Variants in LYZL2 observed in about 807,000 individuals in gnomAD.
LYZL2 encodes the protein lysozyme like 2, also known as lysozyme-like protein 2.
A neutral mutation model predicts 17.1 loss-of-function variants in LYZL2; 13 were observed. The observed-to-expected ratio is 0.76, with a 90% CI of 0.49 to 1.21. The LOEUF is 1.21. LYZL2 is among the 50% of genes most tolerant of loss of function. LYZL2 has a pLI of 0.00. For missense variants in LYZL2, 166 were observed against 189.2 expected (o/e 0.88, Z 0.72); for synonymous variants, 63 against 74.4 (o/e 0.85, Z 0.79).
chr10:30,617,268 A>T (rs1203187874), intron 3 of LYZL2, among the ~76,000 whole-genome samples: 1 of 152,172 alleles, frequency 6.6e-6, no homozygotes, highest in Non-Finnish European at 1.5e-5. Context: ...GCCATGCAGG[A>T]CCAGGAAGCA....
At chr10:30,610,062 G>A (rs934943676), downstream of LYZL2, among the ~76,000 whole-genome samples, 12 of 151,970 alleles carry the variant, frequency 7.9e-5, no homozygotes, top group Non-Finnish European at 1.0e-4. Flanking sequence ...CACACTGGAA[G>A]AAGAAGAATT....
chr10:30,612,024 C>T lies in LYZL2; in HGVS notation c.378G>A (p.Trp126Ter). 5 of 1,614,090 alleles carry T rather than the reference C, an allele frequency of 3.1e-6. No homozygotes were observed. Among genetic ancestry groups the T allele is most frequent in the Non-Finnish European group, 4.2e-6 (5 of 1,179,988 alleles). ...CCTCACAGTGTTTCTTCCAGCCTTGCCTGAGGACGAGAGGGAAGCAAGAGC... is the reference window on the plus strand; with the variant it reads ...CCTCACAGTGTTTCTTCCAGCCTTGTCTGAGGACGAGAGGGAAGCAAGAGC... Reference protein sequence around the residue: ...IVKETQGMNYWQGWKKHCEGR... With the variant: ...IVKETQGMNY Residue 126 changes from tryptophan to a stop codon, truncating the protein, a stop_gained and splice_region_variant, in exon 5 of 5, where the codon TGG becomes TGA. Transcript: ENST00000647634. LOFTEE classifies it high-confidence loss of function.
At chr10:30,621,197 A>T (rs1838613245) in intron 3 of LYZL2, among the ~76,000 whole-genome samples, 1 of 152,218 alleles carries the variant, frequency 6.6e-6, no homozygotes, top group Non-Finnish European at 1.5e-5. Context: ...CTAGAGAAAA[A>T]AAACACATAT....
At chr10:30,612,440 T>G (rs1838460180) in intron 4 of LYZL2, among the ~76,000 whole-genome samples, 1 of 152,204 alleles carries the variant, frequency 6.6e-6, no homozygotes, top group African/African-American at 2.4e-5. Context: ...TCATTCTCTT[T>G]CCCTGCAAAA....
intron 3 of LYZL2, among the ~76,000 whole-genome samples, chr10:30,615,566 A>G (rs184430818): frequency 5.1e-4 from 78 of 152,038 alleles, no homozygotes; most frequent in Non-Finnish European, 6.9e-4. Context: ...ACACTCTGTC[A>G]CACACACACA....
chr10:30,617,694 A>AAAAAAAAAG (rs1838555891), intron 3 of LYZL2, among the ~76,000 whole-genome samples: 1 of 137,484 alleles, frequency 7.3e-6, no homozygotes, highest in African/African-American at 2.8e-5. Flanking sequence ...AAAAAAAAAA[A>AAAAAAAAAG]AAAAGAAAAG....
chr10:30,624,901 T>C (rs1838679607), intron 3 of LYZL2, among the ~76,000 whole-genome samples: 1 of 152,152 alleles, frequency 6.6e-6, no homozygotes, highest in African/African-American at 2.4e-5. Flanking sequence ...GGAGGAAAGA[T>C]TCAAAGTGTG....
chr10:30,615,564 T>TCA (rs1325610119), intron 3 of LYZL2, among the ~76,000 whole-genome samples: 1 of 151,868 alleles, frequency 6.6e-6, no homozygotes, highest in Non-Finnish European at 1.5e-5. Context: ...ACACACTCTG[T>TCA]CACACACACA....
intron 3 of LYZL2, among the ~76,000 whole-genome samples, chr10:30,617,679 A>AAAAAAAAAAAAAAAAAAAG (rs1838554193): frequency 0.01 from 1,087 of 106,260 alleles, 40 homozygotes; most frequent in East Asian, 0.015. Context: ...TGTCTCAAAA[A>AAAAAAAAAAAAAAAAAAAG]AAAAAAAAAA....
intron 4 of LYZL2, 44 bp from the exon 5 acceptor site, chr10:30,612,068 A>T: frequency 1.2e-6 from 2 of 1,603,486 alleles, no homozygotes; most frequent in Non-Finnish European, 1.7e-6. Flanking sequence ...GAAGCGTGAC[A>T]ATCCAAACCG....
downstream of LYZL2, among the ~76,000 whole-genome samples, chr10:30,609,371 CA>C (rs2132929004): frequency 6.6e-6 from 1 of 152,262 alleles, no homozygotes; most frequent in Admixed American, 6.5e-5. Context: ...CAGGCTTGAA[CA>C]GGCTTTAGGG....
rs1354413868 is a variant in LYZL2 at position 30,629,507 on chromosome 10, C to T, written c.-26+86G>A. On this transcript the variant is annotated intron_variant, in intron 1 of 4. Transcript: ENST00000647634. ...ACAAAACCCGTAGCAATGATAACCC[C>T]AAGCATCATGTTCTACATCCTTCAA... 6.5e-6 allele frequency: 9 copies of T among 1,377,614 alleles called. No homozygotes were observed. The East Asian group carries it at 1.9e-4, about 30-fold the overall frequency. The allele number at this position is 1,377,614 out of a possible 1,614,324, so 85.3% of individuals were successfully genotyped here.
intron 3 of LYZL2, among the ~76,000 whole-genome samples, chr10:30,625,251 A>G (rs550366364): frequency 6.6e-6 from 1 of 152,350 alleles, no homozygotes; most frequent in South Asian, 2.1e-4. Context: ...GCAGCATTAG[A>G]AACTTAATTC....
rs375044729 is a variant in LYZL2 at position 30,612,850 on chromosome 10, C to A, written c.349G>T (p.Val117Phe). The part of the protein sequence containing the change: ...TDAIICAKKI[V>F]KETQGMNYWQ... Reference sequence around the variant, plus strand: ...TAGTTCATTCCTTGTGTCTCTTTAACAATTTTCTTGGCACAGATAATCGCA... The same window carrying A: ...TAGTTCATTCCTTGTGTCTCTTTAAAAATTTTCTTGGCACAGATAATCGCA... The change falls in exon 4 of 5, where the codon GTT (valine) becomes TTT (phenylalanine). Residue 117 changes from valine to phenylalanine, a missense_variant. This residue lies in a region of LYZL2 where 134 missense variants were observed against 129.4 expected (regional missense o/e 1.04). Coordinates refer to ENST00000647634, the MANE Select transcript of LYZL2 (RefSeq NM_183058.3). 2 of 1,613,746 alleles carry A rather than the reference C, an allele frequency of 1.2e-6. No homozygotes were observed. Among genetic ancestry groups the A allele is most frequent in the Non-Finnish European group, 8.5e-7 (1 of 1,179,778 alleles).
At chr10:30,618,086 G>T (rs893734281) in intron 3 of LYZL2, among the ~76,000 whole-genome samples, 10 of 151,300 alleles carry the variant, frequency 6.6e-5, no homozygotes, top group Admixed American at 2.6e-4. Context: ...TTGCTTCAAA[G>T]AGAATAAAAT....
At chr10:30,628,114 T>C (rs941947943) in intron 1 of LYZL2, among the ~76,000 whole-genome samples, 3 of 151,806 alleles carry the variant, frequency 2.0e-5, no homozygotes, top group Non-Finnish European at 4.4e-5. Flanking sequence ...GAGCGGAGAT[T>C]GCGCCACTGC....
At chr10:30,615,874 T>C (rs1161392822) in intron 3 of LYZL2, among the ~76,000 whole-genome samples, 1 of 108,158 alleles carries the variant, frequency 9.2e-6, no homozygotes, top group Non-Finnish European at 1.9e-5. Flanking sequence ...TTCTATTAGA[T>C]AGCACTGGTT....
downstream of LYZL2, among the ~76,000 whole-genome samples, chr10:30,611,509 AAAGG>A (rs2132931119): frequency 7.0e-6 from 1 of 142,862 alleles, no homozygotes; most frequent in East Asian, 2.0e-4. Flanking sequence ...AAAAAAAAAA[AAAGG>A]AAGGAAGGAA....
At chr10:30,625,465 C>T (rs1564410048) in intron 3 of LYZL2, among the ~76,000 whole-genome samples, 2 of 151,946 alleles carry the variant, frequency 1.3e-5, no homozygotes, top group African/African-American at 4.8e-5. Flanking sequence ...CACCTTAGGC[C>T]AGGAGTTCAA....
Sources: allele counts gnomAD v4.1 joint callset (sites outside exome capture counted in the v4.1 genomes callset), GRCh38; gene constraint gnomAD v4.1.1; regional missense constraint gnomAD v4.1.1; transcripts MANE v1.5; gene names NCBI Gene and HGNC (gene_info 2026-07-23, HGNC 2026-07-21).